The following SCARA3 variants were observed in gnomAD, a reference collection of about 807,000 sequenced individuals.
SCARA3 encodes the protein scavenger receptor class A member 3, also known as cellular stress response gene protein.
Under a neutral mutation model 47.0 loss-of-function variants are expected in SCARA3, and 39 were observed. That is an observed-to-expected ratio of 0.83 (90% CI 0.64 to 1.08). The LOEUF (loss-of-function observed/expected upper bound fraction) is 1.08. Ranked by LOEUF, SCARA3 falls within the 50% of genes least tolerant of loss-of-function variation. The probability of loss-of-function intolerance (pLI) is 0.00; values close to 1 mark genes in which losing one functional copy is unlikely to be tolerated. For synonymous variants in SCARA3, 356 were observed against 334.1 expected (o/e 1.07, Z -0.71); for missense variants, 724 against 792.3 (o/e 0.91, Z 1.04).
chr8:27,710,249 A>AAAC, the SCARA3 span, among the ~76,000 whole-genome samples: 490 of 143,608 alleles, frequency 3.4e-3, 5 homozygotes, highest in African/African-American at 0.012. Context: ...AAAAAAAAAA[A>AAAC]GGAGAGATTT....
the SCARA3 span, among the ~76,000 whole-genome samples, chr8:27,704,728 A>G: frequency 1.3e-5 from 2 of 151,814 alleles, no homozygotes. Flanking sequence ...GGGTTGTTTC[A>G]TATGACTAGT....
chr8:27,643,702 A>G (rs947313562), intron 1 of SCARA3, among the ~76,000 whole-genome samples: 2 of 152,216 alleles, frequency 1.3e-5, no homozygotes, highest in African/African-American at 2.4e-5. Context: ...TACCGATCCA[A>G]TTGGCTGTTT....
At chr8:27,713,691 T>C in the SCARA3 span, among the ~76,000 whole-genome samples, 1 of 152,192 alleles carries the variant, frequency 6.6e-6, no homozygotes, top group Admixed American at 6.5e-5. Context: ...CCTTACTTTC[T>C]GCTGCTACAA....
chr8:27,726,924 C>T, the SCARA3 span, among the ~76,000 whole-genome samples: 1 of 151,966 alleles, frequency 6.6e-6, no homozygotes. Context: ...CAGGTGTGTG[C>T]CATCACACCT....
At chr8:27,689,314 C>A in the SCARA3 span, among the ~76,000 whole-genome samples, 1 of 152,124 alleles carries the variant, frequency 6.6e-6, no homozygotes, top group African/African-American at 2.4e-5. Context: ...TTCCCCAGAA[C>A]CTAGAATGCT....
chr8:27,721,159 G>T, the SCARA3 span, among the ~76,000 whole-genome samples: 96,955 of 150,116 alleles, frequency 0.65, 32,728 homozygotes, highest in Admixed American at 0.77. Flanking sequence ...GAACATCCAA[G>T]CTTCTTACTT....
At chr8:27,721,829 C>T in the SCARA3 span, among the ~76,000 whole-genome samples, 1 of 152,122 alleles carries the variant, frequency 6.6e-6, no homozygotes, top group Admixed American at 6.5e-5. Context: ...CCCAGCACCT[C>T]GGGAAGCCAA....
intron 2 of SCARA3, 125 bp downstream of exon 2, chr8:27,649,925 G>A (rs1801596196): frequency 1.3e-6 from 1 of 759,710 alleles, no homozygotes; most frequent in Non-Finnish European, 2.1e-6. Flanking sequence ...TTTCCCCACT[G>A]CTTCCTGGAT....
the SCARA3 span, chr8:27,703,900 GA>G: frequency 1.1e-4 from 13 of 123,416 alleles, no homozygotes; most frequent in Non-Finnish European, 1.9e-4. Context: ...TACCTGTGGG[GA>G]AAAAAACATA....
chr8:27,686,577 G>C, the SCARA3 span, among the ~76,000 whole-genome samples: 1 of 151,888 alleles, frequency 6.6e-6, no homozygotes. Context: ...GGGCCTCCTG[G>C]GGGGCCAGGC....
rs1486663911 is a variant in SCARA3 at position 27,634,108 on chromosome 8, A to C, written c.-93A>C. ...GCCGCGGGCGGCGCCTAGGACGGCG[A>C]TCCGCGCCCTGGAGGATCCGCCGGC... On this transcript the variant is annotated 5_prime_UTR_variant, in exon 1 of 6. Transcript: ENST00000301904. 26 of 1,263,302 alleles carry C rather than the reference A, an allele frequency of 2.1e-5. No homozygotes were observed. The highest frequency in any genetic ancestry group is 2.6e-5 in the Non-Finnish European group (25 of 972,370). 78.3% of individuals were successfully genotyped at this position (1,263,302 alleles called of 1,614,324 possible).
the SCARA3 span, among the ~76,000 whole-genome samples, chr8:27,705,846 T>C: frequency 6.6e-6 from 1 of 152,224 alleles, no homozygotes; most frequent in South Asian, 2.1e-4. Context: ...AAAATCTTTC[T>C]GTAAGAAGGA....
intron 5 of SCARA3, among the ~76,000 whole-genome samples, chr8:27,666,930 G>A (rs1335622538): frequency 6.6e-6 from 1 of 152,126 alleles, no homozygotes; most frequent in Non-Finnish European, 1.5e-5. Flanking sequence ...ATTACAGCCT[G>A]TGGCTTCCTG....
chr8:27,641,648 G>A (rs1585272262), intron 1 of SCARA3, among the ~76,000 whole-genome samples: 1 of 152,182 alleles, frequency 6.6e-6, no homozygotes, highest in East Asian at 1.9e-4. Flanking sequence ...GGAGGTCAGG[G>A]CGAATGAGAA....
At chr8:27,635,885 A>T (rs912109939) in intron 1 of SCARA3, among the ~76,000 whole-genome samples, 26 of 152,164 alleles carry the variant, frequency 1.7e-4, no homozygotes, top group African/African-American at 5.8e-4. Context: ...TACAAATCAC[A>T]GTTAGTCAGG....
At chr8:27,687,215 G>C in the SCARA3 span, among the ~76,000 whole-genome samples, 11,325 of 152,156 alleles carry the variant, frequency 0.074, 450 homozygotes, top group East Asian at 0.21. Context: ...CTCTTCTCTG[G>C]GTTGCTAATT....
downstream of SCARA3, among the ~76,000 whole-genome samples, chr8:27,673,239 C>T (rs182859959): frequency 9.2e-5 from 14 of 152,384 alleles, no homozygotes; most frequent in East Asian, 2.7e-3. Context: ...GGGGGAAATG[C>T]TAAGCCCAAT....
chr8:27,648,578 T>C (rs526409), intron 1 of SCARA3, among the ~76,000 whole-genome samples: 28,167 of 151,476 alleles, frequency 0.19, 3,220 homozygotes, highest in Middle Eastern at 0.33. Context: ...CAATCCAGCC[T>C]GGGCGACACA....
At chr8:27,732,693 T>C in the SCARA3 span, among the ~76,000 whole-genome samples, 1 of 152,192 alleles carries the variant, frequency 6.6e-6, no homozygotes, top group African/African-American at 2.4e-5. Context: ...ACTTAAACAT[T>C]TAAACCCCAG....
Sources: gnomAD v4.1 joint callset for allele counts (sites outside exome capture counted in the v4.1 genomes callset) on GRCh38, gnomAD v4.1.1 for gene constraint, MANE v1.5 for transcripts, NCBI Gene and HGNC (gene_info 2026-07-23, HGNC 2026-07-21) for gene names.